The following ROCK2 variants were observed in gnomAD, a reference collection of about 807,000 sequenced individuals.
ROCK2 encodes the protein rho-associated protein kinase 2.
Under a neutral mutation model 195.1 loss-of-function variants are expected in ROCK2, and 61 were observed. The observed-to-expected ratio is 0.31, with a 90% CI of 0.25 to 0.39. The LOEUF (loss-of-function observed/expected upper bound fraction) is 0.39. ROCK2 is among the 10% of genes least tolerant of loss of function. ROCK2 has a pLI of 1.00. For missense variants in ROCK2, 1,109 were observed against 1,637.4 expected (o/e 0.68, Z 5.57); for synonymous variants, 504 against 545.5 (o/e 0.92, Z 1.06).
At chr2:11,336,587 T>C (rs992841862) in intron 1 of ROCK2, among the ~76,000 whole-genome samples, 1 of 152,130 alleles carries the variant, frequency 6.6e-6, no homozygotes, top group Non-Finnish European at 1.5e-5. Flanking sequence ...GGTTAAACAA[T>C]AGAACCAGGA....
At chr2:11,336,727 G>A (rs562245360) in intron 1 of ROCK2, among the ~76,000 whole-genome samples, 4 of 152,094 alleles carry the variant, frequency 2.6e-5, no homozygotes, top group Admixed American at 2.0e-4. Context: ...AAATGGTGCA[G>A]GATAGTCTGG....
chr2:11,314,679 T>G (rs1322231454), intron 1 of ROCK2, among the ~76,000 whole-genome samples: 1 of 152,010 alleles, frequency 6.6e-6, no homozygotes, highest in Non-Finnish European at 1.5e-5. Context: ...GCACCCATGA[T>G]TCACTGTTTT....
chr2:11,317,596 ATATATATATATATATATT>A (rs1668248218), intron 1 of ROCK2, among the ~76,000 whole-genome samples: 2 of 15,290 alleles, frequency 1.3e-4, no homozygotes, highest in African/African-American at 4.1e-4. Context: ...ATATATATAT[ATATATATATATATATATT>A]TTTTTTTTTT....
At chr2:11,205,390 A>G (rs1664012824) in intron 20 of ROCK2, among the ~76,000 whole-genome samples, 1 of 152,130 alleles carries the variant, frequency 6.6e-6, no homozygotes, top group African/African-American at 2.4e-5. Context: ...CATCAGTCAC[A>G]AGGCTTCCAT....
intron 1 of ROCK2, among the ~76,000 whole-genome samples, chr2:11,341,058 G>A (rs1669090422): frequency 7.0e-6 from 1 of 142,604 alleles, no homozygotes; most frequent in Non-Finnish European, 1.5e-5. Context: ...CACTACAAAA[G>A]CATATTACTG....
At chr2:11,282,734 G>A (rs1490219959) in intron 3 of ROCK2, among the ~76,000 whole-genome samples, 3 of 151,344 alleles carry the variant, frequency 2.0e-5, no homozygotes, top group Admixed American at 6.6e-5. Flanking sequence ...ACCCAAGAAA[G>A]AAAGAACTGA....
chr2:11,296,040 GAGAGAGAGAGAA>G (rs1376545476), intron 1 of ROCK2, among the ~76,000 whole-genome samples: 2 of 149,316 alleles, frequency 1.3e-5, no homozygotes, highest in African/African-American at 4.9e-5. Context: ...GAGAGAGAGA[GAGAGAGAGAGAA>G]AACAAAGGGT....
intron 5 of ROCK2, among the ~76,000 whole-genome samples, chr2:11,228,933 G>A (rs957485230): frequency 1.3e-5 from 2 of 151,908 alleles, no homozygotes; most frequent in Non-Finnish European, 2.9e-5. Context: ...TGGTATGACA[G>A]GTTAGATAGA....
intron 27 of ROCK2, among the ~76,000 whole-genome samples, chr2:11,196,450 A>G (rs1663640078): frequency 6.6e-6 from 1 of 152,256 alleles, no homozygotes; most frequent in Non-Finnish European, 1.5e-5. Context: ...CTTAAGCAAT[A>G]TAATGTATTA....
At chr2:11,344,698 G>T, upstream of ROCK2, 1 of 147,328 alleles carries the variant, frequency 6.8e-6, no homozygotes, top group South Asian at 1.9e-4. This position sits in a 1 kb window ranked among gnomAD's most constrained non-coding sequence, Gnocchi z 5.4. Flanking sequence ...GCGCGTCCCC[G>T]CCGGCCCTGC....
rs1287548320 is a variant in ROCK2, at chr2:11,183,428, AG to A, written c.*8del. ...CACCTTGAATAATGACTGCTTTCAT[AG>A]AAGGCAGTTAGCTGAAAAGAAAGGA... is the stretch of plus-strand genomic sequence containing the variant. On this transcript the variant is annotated 3_prime_UTR_variant, in exon 33 of 33. Transcript: ENST00000315872. The A allele has an allele frequency of 6.3e-7, 1 of 1,597,322 alleles. No homozygotes were observed. Among genetic ancestry groups the A allele is most frequent in the Non-Finnish European group, 8.6e-7 (1 of 1,169,000 alleles).
At chr2:11,246,611 C>A (rs1665626662) in intron 4 of ROCK2, among the ~76,000 whole-genome samples, 1 of 152,086 alleles carries the variant, frequency 6.6e-6, no homozygotes, top group Admixed American at 6.6e-5. Context: ...ATTCAGAAAT[C>A]ACCCTAATAA....
intron 27 of ROCK2, among the ~76,000 whole-genome samples, 182 bp downstream of exon 27, chr2:11,196,998 T>C (rs1663663060): frequency 6.6e-6 from 1 of 152,144 alleles, no homozygotes; most frequent in South Asian, 2.1e-4. Context: ...ATGAAAAACT[T>C]TGTAAAAAAA....
At chr2:11,288,664 T>C (rs1303535569) in intron 1 of ROCK2, among the ~76,000 whole-genome samples, 1 of 113,612 alleles carries the variant, frequency 8.8e-6, no homozygotes, top group Admixed American at 9.6e-5. Flanking sequence ...AATGGGAGCC[T>C]GGGAGGGTAA....
chr2:11,219,052 AT>A (rs780852385), intron 9 of ROCK2, 26 bp from the exon 10 acceptor site: 2 of 1,284,022 alleles, frequency 1.6e-6, no homozygotes, highest in Middle Eastern at 2.2e-4. Context: ...GAGAAAATAA[AT>A]TTTTTCATTT....
intron 1 of ROCK2, among the ~76,000 whole-genome samples, chr2:11,292,777 T>C (rs1407627088): frequency 1.3e-5 from 2 of 152,170 alleles, no homozygotes; most frequent in African/African-American, 4.8e-5. Context: ...ATGGTTTGGA[T>C]TTTTGTGTCC....
At chr2:11,273,669 T>C (rs1022400510) in intron 3 of ROCK2, among the ~76,000 whole-genome samples, 1 of 152,084 alleles carries the variant, frequency 6.6e-6, no homozygotes, top group African/African-American at 2.4e-5. Flanking sequence ...GAACACATAA[T>C]AACATATATA....
intron 32 of ROCK2, among the ~76,000 whole-genome samples, chr2:11,185,276 C>T (rs1170733221): frequency 6.6e-6 from 1 of 152,190 alleles, no homozygotes; most frequent in Non-Finnish European, 1.5e-5. Flanking sequence ...GAGCTTTGTC[C>T]TGCATATGAA....
intron 3 of ROCK2, among the ~76,000 whole-genome samples, chr2:11,254,727 T>TAAAAAAAAAAAAAAAAA: frequency 2.6e-5 from 1 of 39,126 alleles, no homozygotes; most frequent in Non-Finnish European, 4.4e-5. Context: ...CCCTGTCTCT[T>TAAAAAAAAAAAAAAAAA]AAAAAAAAAA....
Sources: allele counts gnomAD v4.1 joint callset (sites outside exome capture counted in the v4.1 genomes callset), GRCh38; gene constraint gnomAD v4.1.1; non-coding constraint Gnocchi (gnomAD v3.1); transcripts MANE v1.5; gene names NCBI Gene and HGNC (gene_info 2026-07-23, HGNC 2026-07-21).